Variants in SYT9 observed in about 807,000 individuals in gnomAD.
SYT9 encodes the protein synaptotagmin 9, also known as synaptotagmin-9.
In SYT9, 22 loss-of-function variants were observed where a neutral mutation model predicts 48.4. The ratio of observed to expected loss-of-function variants is 0.45; its 90% confidence interval spans 0.32 to 0.65. The LOEUF (loss-of-function observed/expected upper bound fraction) is 0.65, where lower values mean the gene tolerates loss of function less well. Among genes scored for constraint, SYT9 ranks in the 30% least tolerant of loss-of-function variants. The pLI, the probability that SYT9 is intolerant of heterozygous loss-of-function variation, is 0.03. For missense variants in SYT9, 577 were observed against 622.0 expected (o/e 0.93, Z 0.77); for synonymous variants, 265 against 245.0 (o/e 1.08, Z -0.76).
intron 1 of SYT9, among the ~76,000 whole-genome samples, chr11:7,256,381 G>A (rs1157091953): frequency 6.6e-6 from 1 of 152,138 alleles, no homozygotes; most frequent in African/African-American, 2.4e-5. Flanking sequence ...TATATTAACA[G>A]GATCCTCAGG....
chr11:7,247,984 C>T (rs1212310837), upstream of SYT9, among the ~76,000 whole-genome samples: 1 of 152,108 alleles, frequency 6.6e-6, no homozygotes, highest in African/African-American at 2.4e-5. Context: ...TCCACACCAA[C>T]ATCTACTGTT....
intron 1 of SYT9, among the ~76,000 whole-genome samples, chr11:7,301,917 T>C (rs914717245): frequency 1.3e-5 from 2 of 152,142 alleles, no homozygotes; most frequent in African/African-American, 4.8e-5. Context: ...GGGGGTGAAA[T>C]GTTTTGAACC....
At chr11:7,423,873 T>C (rs1260237686) in intron 6 of SYT9, among the ~76,000 whole-genome samples, 1 of 152,224 alleles carries the variant, frequency 6.6e-6, no homozygotes, top group Non-Finnish European at 1.5e-5. Context: ...CAGGCTGCTG[T>C]TATGCTCTCT....
chr11:7,298,585 A>AG (rs1589924178), intron 1 of SYT9, among the ~76,000 whole-genome samples: 1 of 150,930 alleles, frequency 6.6e-6, no homozygotes, highest in East Asian at 1.9e-4. Context: ...AATTTTTCTC[A>AG]TCCATGTGAG....
At chr11:7,399,280 A>C (rs1846827666) in intron 3 of SYT9, among the ~76,000 whole-genome samples, 1 of 152,230 alleles carries the variant, frequency 6.6e-6, no homozygotes, top group South Asian at 2.1e-4. Context: ...TGTGCTGAAA[A>C]TGATGAGCAG....
At chr11:7,244,572 AC>A (rs912381691) in intron 1 of SYT9, among the ~76,000 whole-genome samples, 37 of 152,208 alleles carry the variant, frequency 2.4e-4, no homozygotes, top group African/African-American at 8.7e-4. Context: ...TAGAATGAAT[AC>A]CTTTTTTGGA....
intron 3 of SYT9, among the ~76,000 whole-genome samples, chr11:7,379,288 A>C (rs1397992112): frequency 6.6e-6 from 1 of 152,162 alleles, no homozygotes; most frequent in Non-Finnish European, 1.5e-5. Context: ...TGTTAGAAAA[A>C]ATAAGAGGTT....
intron 6 of SYT9, among the ~76,000 whole-genome samples, chr11:7,432,582 AATATATATACATATAT>A (rs1847619922): frequency 4.0e-3 from 14 of 3,508 alleles, no homozygotes; most frequent in East Asian, 9.8e-3. Context: ...AAAAAAAAAA[AATATATATACATATAT>A]ATATATATAT....
chr11:7,331,729 A>C (rs1849535991), intron 3 of SYT9, among the ~76,000 whole-genome samples: 1 of 152,108 alleles, frequency 6.6e-6, no homozygotes, highest in African/African-American at 2.4e-5. Context: ...TGTCTGAAAT[A>C]AAAGCTATTT....
At chr11:7,304,738 A>T (rs1849002954) in intron 2 of SYT9, among the ~76,000 whole-genome samples, 1 of 152,268 alleles carries the variant, frequency 6.6e-6, no homozygotes, top group African/African-American at 2.4e-5. Flanking sequence ...CTCAGATTTT[A>T]TCACTAGGAT....
At chr11:7,379,649 C>T (rs979166832) in intron 3 of SYT9, among the ~76,000 whole-genome samples, 2 of 152,108 alleles carry the variant, frequency 1.3e-5, no homozygotes, top group Admixed American at 6.6e-5. Context: ...TCTTGTGTTT[C>T]TTTAATGTTT....
intron 5 of SYT9, 106 bp from the exon 6 acceptor site, chr11:7,420,400 A>G: frequency 2.1e-6 from 3 of 1,432,368 alleles, no homozygotes; most frequent in South Asian, 2.7e-5. Context: ...AAACAAACAA[A>G]CAAACAAAAA....
At chr11:7,443,906 T>C (rs957972094) in intron 6 of SYT9, among the ~76,000 whole-genome samples, 2 of 152,370 alleles carry the variant, frequency 1.3e-5, no homozygotes, top group African/African-American at 4.8e-5. Flanking sequence ...AATTTGGTCA[T>C]GATTGGATTC....
intron 6 of SYT9, among the ~76,000 whole-genome samples, chr11:7,460,777 C>A (rs1848222107): frequency 6.6e-6 from 1 of 152,150 alleles, no homozygotes. Flanking sequence ...ATGTGTATTG[C>A]ACTTGAATAA....
chr11:7,446,040 G>A (rs12295096), intron 6 of SYT9, among the ~76,000 whole-genome samples: 26,197 of 152,238 alleles, frequency 0.17, 2,814 homozygotes, highest in African/African-American at 0.29. Context: ...GGCATAAGCC[G>A]CGTCTATGTG....
intron 3 of SYT9, among the ~76,000 whole-genome samples, chr11:7,379,818 G>A (rs1326452599): frequency 6.6e-6 from 1 of 152,110 alleles, no homozygotes; most frequent in African/African-American, 2.4e-5. Flanking sequence ...GTGGAGAAAA[G>A]GGAATGCTTG....
At chr11:7,423,015 G>A (rs1470806509) in intron 6 of SYT9, among the ~76,000 whole-genome samples, 12 of 152,240 alleles carry the variant, frequency 7.9e-5, no homozygotes, top group Non-Finnish European at 4.4e-5. Flanking sequence ...AAACTTAGAA[G>A]TCATTTGTTA....
intron 3 of SYT9, among the ~76,000 whole-genome samples, chr11:7,404,122 TA>T (rs915084955): frequency 6.6e-6 from 1 of 152,174 alleles, no homozygotes; most frequent in African/African-American, 2.4e-5. Flanking sequence ...GTATGGCATT[TA>T]TTTTTATTAG....
upstream of SYT9, among the ~76,000 whole-genome samples, chr11:7,247,744 C>T (rs1405663269): frequency 6.7e-5 from 10 of 150,182 alleles, no homozygotes; most frequent in Admixed American, 2.0e-4. Flanking sequence ...ACATTTGGGT[C>T]GGTTCTGTGT....
Sources: gnomAD v4.1 joint callset for allele counts (sites outside exome capture counted in the v4.1 genomes callset) on GRCh38, gnomAD v4.1.1 for gene constraint, MANE v1.5 for transcripts, NCBI Gene and HGNC (gene_info 2026-07-23, HGNC 2026-07-21) for gene names.